NLRP14: variants seen among roughly 807,000 people sequenced by gnomAD.
NLRP14 encodes the protein NACHT, LRR and PYD domains-containing protein 14.
A neutral mutation model predicts 94.7 loss-of-function variants in NLRP14; 105 were observed. The observed-to-expected ratio is 1.11, with a 90% CI of 0.95 to 1.30. The LOEUF (loss-of-function observed/expected upper bound fraction) is 1.30, where lower values mean the gene tolerates loss of function less well. NLRP14 is among the 50% of genes most tolerant of loss of function. NLRP14 has a pLI of 0.00. For missense variants in NLRP14, 1,362 were observed against 1,254.1 expected (o/e 1.09, Z -1.30); for synonymous variants, 508 against 459.9 (o/e 1.10, Z -1.34).
At chr11:7,044,505 T>G (rs1852322395) in intron 4 of NLRP14, among the ~76,000 whole-genome samples, 1 of 152,202 alleles carries the variant, frequency 6.6e-6, no homozygotes, top group Admixed American at 6.5e-5. Context: ...TTTTGTAGTT[T>G]GTGAAGGGTC....
chr11:7,022,558 A>G (rs1465396132), intron 1 of NLRP14, among the ~76,000 whole-genome samples: 1 of 152,244 alleles, frequency 6.6e-6, no homozygotes, highest in Non-Finnish European at 1.5e-5. Flanking sequence ...GGAATCTTTA[A>G]GCAGCCAACC....
At position 7,070,432 on chromosome 11, in the gene NLRP14, C is replaced by T. The variant is rs1419240208; in HGVS notation, c.3122C>T (p.Pro1041Leu). Residue 1041 changes from proline to leucine, a missense_variant, in exon 11 of 12, where the codon CCT becomes CTT. Physicochemically the swap from Pro to Leu is moderately conservative, Grantham distance 98 (BLOSUM62 -3). Transcript: ENST00000299481. ...AAGTTATATAAAGTCTTGAAGTCTC[C>T]TAAGTGTAAACTACAAGTTCTAGGG... ...IVKLYKVLKS[P>L]KCKLQVLGLC... 1 of 1,611,506 alleles carries T rather than the reference C, an allele frequency of 6.2e-7. No homozygotes were observed. Among genetic ancestry groups the T allele is most frequent in the Non-Finnish European group, 8.5e-7 (1 of 1,178,010 alleles).
chr11:7,047,364 G>A (rs1027210507), intron 5 of NLRP14, among the ~76,000 whole-genome samples: 3 of 151,568 alleles, frequency 2.0e-5, no homozygotes, highest in African/African-American at 7.3e-5. Context: ...GTCCAGGCTG[G>A]AATGCAGTGA....
chr11:7,064,621 G>A (rs1241411320), intron 10 of NLRP14, among the ~76,000 whole-genome samples: 1 of 151,898 alleles, frequency 6.6e-6, no homozygotes, highest in Non-Finnish European at 1.5e-5. Context: ...GGAGACCTTT[G>A]GTCTGGAGGA....
At chr11:7,058,729 G>A (rs933839905) in intron 8 of NLRP14, among the ~76,000 whole-genome samples, 1 of 151,924 alleles carries the variant, frequency 6.6e-6, no homozygotes, top group Non-Finnish European at 1.5e-5. Flanking sequence ...GTGAGCCTTA[G>A]GGAGATAATG....
At position 7,071,406 on chromosome 11, in the gene NLRP14, C is replaced by T; in HGVS notation, c.*98C>T. The T allele has an allele frequency of 1.0e-6, 1 of 960,760 alleles. No homozygotes were observed. The allele number at this position is 960,760 out of a possible 1,614,324, so 59.5% of individuals were successfully genotyped here. A position where few individuals can be genotyped will look rare whatever the true frequency, so the allele number is the denominator to read the frequency against. The stretch of plus-strand genomic sequence containing the variant: ...GGTGCTTAGCTTCAGATACTCTATG[C>T]CCAGAGATAGTGCACTTGGCAGCTG... On this transcript the variant is annotated 3_prime_UTR_variant, in exon 12 of 12. Coordinates refer to ENST00000299481, the MANE Select transcript of NLRP14 (RefSeq NM_176822.4).
chr11:7,046,976 C>G (rs1046002244), intron 5 of NLRP14, 144 bp downstream of exon 5: 2 of 717,722 alleles, frequency 2.8e-6, no homozygotes, highest in South Asian at 1.5e-5. Context: ...ATGGAATCCT[C>G]TGGGGACATG....
chr11:7,026,176 G>A (rs866063737), intron 1 of NLRP14, among the ~76,000 whole-genome samples: 145 of 152,266 alleles, frequency 9.5e-4, no homozygotes, highest in African/African-American at 3.4e-3. Flanking sequence ...AAACTGAAGA[G>A]CTTCTGCACA....
rs746469081 is a variant in NLRP14, at chr11:7,043,307, G to C, written c.1281G>C (p.Leu427=). 1 of 1,614,122 alleles carries C rather than the reference G, an allele frequency of 6.2e-7. No homozygotes were observed. Among genetic ancestry groups the C allele is most frequent in the Admixed American group, 1.7e-5 (1 of 60,026 alleles). ...CCAACCAAGCCCAGCTGAGAAGACT[G>C]TGCCAAGTCGCTGCCAAAGGAATAT... ...SLPNQAQLRR[L]CQVAAKGIWT... Residue 427 remains leucine, a synonymous_variant, in exon 4 of 12, where the codon CTG becomes CTC. Coordinates refer to ENST00000299481, the MANE Select transcript of NLRP14 (RefSeq NM_176822.4).
chr11:7,062,545 G>T, intron 10 of NLRP14, 42 bp downstream of exon 10: 5 of 1,546,024 alleles, frequency 3.2e-6, no homozygotes, highest in Non-Finnish European at 4.5e-6. Flanking sequence ...TGCCTATTTG[G>T]TAGCTAGTAT....
At chr11:7,082,368 G>A in the NLRP14 span, among the ~76,000 whole-genome samples, 1 of 152,146 alleles carries the variant, frequency 6.6e-6, no homozygotes, top group Non-Finnish European at 1.5e-5. Flanking sequence ...AAAGTCGAAA[G>A]ATGCTGGCAT....
chr11:7,079,188 G>A, the NLRP14 span, among the ~76,000 whole-genome samples: 4 of 152,170 alleles, frequency 2.6e-5, no homozygotes, highest in East Asian at 1.9e-4. Context: ...TGGTGGATAC[G>A]TTTATCTTCT....
intron 1 of NLRP14, among the ~76,000 whole-genome samples, chr11:7,028,366 A>T (rs1432779516): frequency 2.0e-5 from 3 of 152,114 alleles, no homozygotes; most frequent in Non-Finnish European, 4.4e-5. Context: ...GTTCTATCTT[A>T]AAAACCCAGA....
At chr11:7,049,245 G>C (rs1045009434) in intron 5 of NLRP14, among the ~76,000 whole-genome samples, 1 of 152,144 alleles carries the variant, frequency 6.6e-6, no homozygotes, top group Non-Finnish European at 1.5e-5. Flanking sequence ...GCCTAACGAA[G>C]TCCCCAAGAT....
rs367981346 is a variant in NLRP14, at chr11:7,043,646, A to G, written c.1620A>G (p.Arg540=). ...TGTTTGGCCTTTTGAATGAAGATCG[A>G]GTAAAACAACTGGAGAGGACTTTTA... ...CFLFGLLNED[R]VKQLERTFNC... is the part of the protein sequence containing the mutation. Residue 540 remains arginine, a synonymous_variant, in exon 4 of 12, where the codon CGA becomes CGG. Transcript: ENST00000299481. 26 of 1,614,022 alleles carry G rather than the reference A, an allele frequency of 1.6e-5. No individual in the cohort carries two copies. The African/African-American group carries it at 3.1e-4, about 19-fold the overall frequency.
At chr11:7,075,024 G>T (rs576502863), downstream of NLRP14, among the ~76,000 whole-genome samples, 1 of 152,158 alleles carries the variant, frequency 6.6e-6, no homozygotes, top group Non-Finnish European at 1.5e-5. Flanking sequence ...CATTATTGGT[G>T]TGGAGCCTTT....
intron 1 of NLRP14, among the ~76,000 whole-genome samples, chr11:7,032,163 A>G (rs950788884): frequency 6.6e-6 from 1 of 152,228 alleles, no homozygotes; most frequent in African/African-American, 2.4e-5. Flanking sequence ...ATTGTCAAAA[A>G]TTGTCCTAAA....
the NLRP14 span, among the ~76,000 whole-genome samples, chr11:7,077,911 TAG>T: frequency 0.037 from 5,697 of 152,080 alleles, 276 homozygotes; most frequent in African/African-American, 0.11. Context: ...GTCAAATTTA[TAG>T]AGACAGAAGA....
chr11:7,089,880 T>C, the NLRP14 span: 39 of 1,612,666 alleles, frequency 2.4e-5, no homozygotes, highest in Non-Finnish European at 3.1e-5. Context: ...CGACTGTCCC[T>C]TGAGAGGCTA....
Sources: gnomAD v4.1 joint callset for allele counts (sites outside exome capture counted in the v4.1 genomes callset) on GRCh38, gnomAD v4.1.1 for gene constraint, MANE v1.5 for transcripts, NCBI Gene and HGNC (gene_info 2026-07-23, HGNC 2026-07-21) for gene names.